Variants in GPALPP1 observed in about 807,000 individuals in gnomAD.
The protein encoded by GPALPP1 is GPALPP motifs containing 1, also known as GPALPP motifs-containing protein 1.
In GPALPP1, 30 loss-of-function variants were observed where a neutral mutation model predicts 38.9. That is an observed-to-expected ratio of 0.77 (90% CI 0.58 to 1.05). The LOEUF (loss-of-function observed/expected upper bound fraction) is 1.05, where lower values mean the gene tolerates loss of function less well. Ranked by LOEUF, GPALPP1 falls within the 50% of genes least tolerant of loss-of-function variation. The pLI, the probability that GPALPP1 is intolerant of heterozygous loss-of-function variation, is 0.00. For synonymous variants in GPALPP1, 120 were observed against 139.2 expected, an observed-to-expected ratio of 0.86 and a Z score of 0.97; for missense variants, 384 against 408.8, an observed-to-expected ratio of 0.94 and a Z score of 0.52.
At chr13:45,011,185 G>A (rs1190436851) in intron 4 of GPALPP1, among the ~76,000 whole-genome samples, 2 of 152,062 alleles carry the variant, frequency 1.3e-5, no homozygotes, top group Non-Finnish European at 2.9e-5. Context: ...TTAGAATGGA[G>A]AATGCAGGGA....
chr13:44,995,681 T>C (rs1200660864), intron 1 of GPALPP1, among the ~76,000 whole-genome samples: 2 of 152,154 alleles, frequency 1.3e-5, no homozygotes, highest in South Asian at 2.1e-4. Flanking sequence ...ACCAGCACAA[T>C]TGGTCACCCT....
rs753862845 is a variant in GPALPP1 at position 45,004,301 on chromosome 13, T to C, written c.89-4T>C. ...AGTGATGACAAACAACAAGTGTTCT[T>C]TAGTTGCAGGACCAGCTCTGCCCCC... On this transcript the variant is annotated splice_region_variant and splice_polypyrimidine_tract_variant and intron_variant, in intron 1 of 7. Transcript: ENST00000379151. 2 of 1,610,784 alleles carry C rather than the reference T, an allele frequency of 1.2e-6. No homozygotes were observed. The highest frequency in any genetic ancestry group is 2.2e-5 in the South Asian group (2 of 90,618).
At chr13:44,996,790 T>TTA (rs1404174704) in intron 1 of GPALPP1, among the ~76,000 whole-genome samples, 1 of 144,994 alleles carries the variant, frequency 6.9e-6, no homozygotes, top group Non-Finnish European at 1.5e-5. Context: ...GCCTCTTTTT[T>TTA]TTTTTTTTTT....
chr13:44,994,252 A>G (rs1302502883), intron 1 of GPALPP1, among the ~76,000 whole-genome samples: 1 of 150,874 alleles, frequency 6.6e-6, no homozygotes, highest in Non-Finnish European at 1.5e-5. Context: ...AGAGAGAAAG[A>G]AAGAAACTTG....
intron 1 of GPALPP1, among the ~76,000 whole-genome samples, chr13:44,995,827 C>T (rs1185693155): frequency 6.6e-6 from 1 of 151,854 alleles, no homozygotes; most frequent in Non-Finnish European, 1.5e-5. Context: ...AAGCTCCCAG[C>T]TGCTGCTGCT....
chr13:45,033,037 CAAA>C (rs750971257), downstream of GPALPP1, among the ~76,000 whole-genome samples: 1 of 118,694 alleles, frequency 8.4e-6, no homozygotes, highest in African/African-American at 3.1e-5. Context: ...ACTCCATCTC[CAAA>C]AAAAAAAAAA....
At position 45,027,974 on chromosome 13, in the gene GPALPP1, T is replaced by A; in HGVS notation, c.994T>A (p.Ser332Thr). ...KKSRELNTRFSHGKGNMFL is the reference protein window; with the variant it reads ...KKSRELNTRFTHGKGNMFL The stretch of plus-strand genomic sequence containing the variant: ...ATCTAGAGAACTAAACACCAGATTT[T>A]CACACGGCAAAGGCAATATGTTTTT... The change falls in exon 8 of 8, where the codon TCA (serine) becomes ACA (threonine). Residue 332 changes from serine (S) to threonine (T), a missense_variant. Transcript: ENST00000379151. 6.9e-6 allele frequency: 11 copies of A among 1,605,138 alleles called. No individual in the cohort carries two copies. The highest frequency in any genetic ancestry group is 9.4e-6 in the Non-Finnish European group (11 of 1,172,120).
exon 8 of GPALPP1, chr13:45,036,996 G>T (rs150136145): frequency 6.6e-6 from 1 of 152,154 alleles, no homozygotes; most frequent in East Asian, 1.9e-4. Flanking sequence ...TGCAGAACTA[G>T]GTAGGAAAGA....
At chr13:45,036,317 A>G (rs901086223) in exon 8 of GPALPP1, 1 of 152,234 alleles carries the variant, frequency 6.6e-6, no homozygotes, top group Admixed American at 6.5e-5. Context: ...TTTAAAATAG[A>G]TAAGTCCCTA....
intron 5 of GPALPP1, 106 bp downstream of exon 5, chr13:45,015,189 A>C (rs1874758414): frequency 1.3e-6 from 1 of 750,830 alleles, no homozygotes; most frequent in Admixed American, 3.9e-5. Context: ...GTTTTTATGC[A>C]TAACATTTTT....
intron 1 of GPALPP1, among the ~76,000 whole-genome samples, chr13:45,002,601 A>C (rs1231780910): frequency 2.0e-5 from 3 of 152,234 alleles, no homozygotes; most frequent in African/African-American, 7.2e-5. Context: ...CAGTCCTGTG[A>C]GGTTGAAACT....
intron 4 of GPALPP1, among the ~76,000 whole-genome samples, chr13:45,012,300 C>G (rs1024595871): frequency 5.9e-5 from 9 of 152,138 alleles, no homozygotes; most frequent in African/African-American, 1.7e-4. Context: ...TGCCTAGAGC[C>G]TTGTCATTCT....
At chr13:45,011,494 C>T (rs570097276) in intron 4 of GPALPP1, among the ~76,000 whole-genome samples, 1 of 152,238 alleles carries the variant, frequency 6.6e-6, no homozygotes, top group South Asian at 2.1e-4. Context: ...GAAGCAAACA[C>T]GTCCATCTTC....
chr13:44,998,516 G>A (rs1268517624), intron 1 of GPALPP1, among the ~76,000 whole-genome samples: 1 of 151,956 alleles, frequency 6.6e-6, no homozygotes, highest in African/African-American at 2.4e-5. Flanking sequence ...ATCCTCTCTT[G>A]GTTCCAACCA....
chr13:44,995,151 C>T (rs2137949994), intron 1 of GPALPP1, among the ~76,000 whole-genome samples: 1 of 133,018 alleles, frequency 7.5e-6, no homozygotes, highest in South Asian at 2.5e-4. Context: ...TGCACCCAGA[C>T]ACAAGCCCCT....
intron 1 of GPALPP1, among the ~76,000 whole-genome samples, chr13:44,997,991 T>G (rs1873413399): frequency 2.6e-5 from 4 of 152,222 alleles, no homozygotes. Context: ...CCAGTAATCC[T>G]CACAGGCTTC....
chr13:45,019,080 TAAA>T lies in GPALPP1; in HGVS notation c.706-1249_706-1247del, dbSNP rs1875170926. On this transcript the variant is annotated intron_variant, in intron 6 of 7. Transcript: ENST00000379151. The stretch of plus-strand genomic sequence containing the variant: ...ATATATACATATAAATATATACATA[TAAA>T]TATATGTATATATATTTATATATAT... 2.4e-5 allele frequency among the ~76,000 whole-genome samples: 3 copies of T among 123,702 alleles called. 1 individual carries two copies. Among genetic ancestry groups the T allele is most frequent in the Middle Eastern group, 7.1e-3 (2 of 280 alleles). 81.2% of individuals were successfully genotyped at this position (123,702 alleles called of 152,430 possible).
At chr13:45,025,222 G>T (rs1171595604) in intron 7 of GPALPP1, among the ~76,000 whole-genome samples, 1 of 152,160 alleles carries the variant, frequency 6.6e-6, no homozygotes, top group African/African-American at 2.4e-5. Context: ...AGGTTTTTAT[G>T]AAGAAGTAAA....
Position 45,004,311 on chromosome 13 carries a change from G to T in GPALPP1, c.95G>T (p.Gly32Val). 6.2e-7 allele frequency: 1 copy of T among 1,611,754 alleles called. No individual in the cohort carries two copies. Among genetic ancestry groups the T allele is most frequent in the South Asian group, 1.1e-5 (1 of 90,808 alleles). The change falls in exon 2 of 8, where the codon GGA (glycine) becomes GTA (valine). Residue 32 changes from glycine to valine, a missense_variant. Gly to Val is a moderately radical substitution (Grantham distance 109). Transcript: ENST00000379151. ...DEERDPSPVAGPALPPNYKSS... is the reference protein window; with the variant it reads ...DEERDPSPVAVPALPPNYKSS... ...AACAACAAGTGTTCTTTAGTTGCAG[G>T]ACCAGCTCTGCCCCCTAATTATAAA...
Sources: allele counts gnomAD v4.1 joint callset (sites outside exome capture counted in the v4.1 genomes callset), GRCh38; gene constraint gnomAD v4.1.1; transcripts MANE v1.5; gene names NCBI Gene and HGNC (gene_info 2026-07-23, HGNC 2026-07-21).